Variants in GPC5 observed in about 807,000 individuals in gnomAD.
GPC5 encodes glypican 5.
In GPC5, 47 loss-of-function variants were observed where a neutral mutation model predicts 53.9. The ratio of observed to expected loss-of-function variants is 0.87; its 90% CI spans 0.69 to 1.11. The LOEUF (loss-of-function observed/expected upper bound fraction) is 1.11. Among genes scored for constraint, GPC5 ranks in the 50% most tolerant of loss-of-function variants. GPC5 has a pLI of 0.00. For missense variants in GPC5, 748 were observed against 713.1 expected (o/e 1.05, Z -0.56); for synonymous variants, 286 against 263.3 (o/e 1.09, Z -0.84).
At chr13:92,855,768 C>A (rs1262915839) in intron 7 of GPC5, among the ~76,000 whole-genome samples, 1 of 151,972 alleles carries the variant, frequency 6.6e-6, no homozygotes, top group Non-Finnish European at 1.5e-5. Context: ...GGATAAATTC[C>A]TAGAAACACA....
At chr13:92,084,279 T>C (rs1417867312) in intron 6 of GPC5, among the ~76,000 whole-genome samples, 1 of 152,128 alleles carries the variant, frequency 6.6e-6, no homozygotes, top group Non-Finnish European at 1.5e-5. Context: ...CAGAACTTAA[T>C]TTTTTTTAAA....
intron 7 of GPC5, among the ~76,000 whole-genome samples, chr13:92,735,590 G>A (rs991367329): frequency 4.6e-5 from 7 of 151,896 alleles, no homozygotes; most frequent in African/African-American, 1.7e-4. Context: ...CAAAGGGTAG[G>A]ATTCTTCAGT....
intron 7 of GPC5, among the ~76,000 whole-genome samples, chr13:92,521,964 G>A (rs1881069532): frequency 6.6e-6 from 1 of 152,128 alleles, no homozygotes; most frequent in Admixed American, 6.5e-5. Context: ...ACAAGTGGGT[G>A]AAGGATATGA....
At chr13:92,580,873 G>A in intron 7 of GPC5, among the ~76,000 whole-genome samples, 1 of 152,164 alleles carries the variant, frequency 6.6e-6, no homozygotes, top group Non-Finnish European at 1.5e-5. Context: ...CATGTGATAT[G>A]AGTGAGGACA....
At chr13:91,570,819 C>T (rs1215968215) in intron 2 of GPC5, among the ~76,000 whole-genome samples, 1 of 152,116 alleles carries the variant, frequency 6.6e-6, no homozygotes, top group Non-Finnish European at 1.5e-5. Flanking sequence ...TTGATTGGCC[C>T]ATTGATGGGA....
intron 2 of GPC5, among the ~76,000 whole-genome samples, chr13:91,644,417 A>G (rs1594372698): frequency 1.3e-5 from 2 of 152,184 alleles, no homozygotes; most frequent in East Asian, 3.9e-4. Context: ...AGAAACTAGT[A>G]TATTTTGTCA....
At chr13:91,744,240 A>C (rs1348386564) in intron 4 of GPC5, among the ~76,000 whole-genome samples, 1 of 152,154 alleles carries the variant, frequency 6.6e-6, no homozygotes, top group African/African-American at 2.4e-5. Flanking sequence ...AAAGGTAACT[A>C]TACATTAATT....
chr13:91,523,355 C>T (rs187392287), intron 2 of GPC5, among the ~76,000 whole-genome samples: 3 of 152,186 alleles, frequency 2.0e-5, no homozygotes, highest in East Asian at 1.9e-4. Flanking sequence ...TGTCTGTCAA[C>T]GGATAAAGTA....
At chr13:92,165,048 G>A (rs117551309) in intron 7 of GPC5, among the ~76,000 whole-genome samples, 3,546 of 152,230 alleles carry the variant, frequency 0.023, 48 homozygotes, top group Admixed American at 0.029. Context: ...CCACAAAACC[G>A]TCTTTCCCTC....
At chr13:92,386,479 AC>A (rs1874730721) in intron 7 of GPC5, among the ~76,000 whole-genome samples, 1 of 151,968 alleles carries the variant, frequency 6.6e-6, no homozygotes, top group African/African-American at 2.4e-5. Context: ...ATAAATCTCT[AC>A]CCTACTCTCT....
At chr13:91,966,279 A>G (rs1368574570) in intron 6 of GPC5, among the ~76,000 whole-genome samples, 1 of 152,180 alleles carries the variant, frequency 6.6e-6, no homozygotes, top group African/African-American at 2.4e-5. Flanking sequence ...AAAGCATAGA[A>G]ATAGGAATAA....
chr13:92,153,933 C>T (rs553789983), intron 7 of GPC5, among the ~76,000 whole-genome samples: 65 of 152,146 alleles, frequency 4.3e-4, no homozygotes, highest in African/African-American at 1.5e-3. Flanking sequence ...AAATTTAGCC[C>T]CTTCCCCAGT....
chr13:92,291,534 C>A (rs2042995791), intron 7 of GPC5, among the ~76,000 whole-genome samples: 1 of 152,144 alleles, frequency 6.6e-6, no homozygotes, highest in African/African-American at 2.4e-5. Flanking sequence ...AATCAGCACC[C>A]TGTCAAAACA....
chr13:91,804,184 A>G (rs1215671714), intron 5 of GPC5, among the ~76,000 whole-genome samples: 3 of 152,226 alleles, frequency 2.0e-5, no homozygotes, highest in East Asian at 3.8e-4. Flanking sequence ...TCTATCATTT[A>G]GAACCAAAAA....
intron 7 of GPC5, among the ~76,000 whole-genome samples, chr13:92,250,299 A>G (rs1430018814): frequency 6.6e-6 from 1 of 152,152 alleles, no homozygotes; most frequent in East Asian, 1.9e-4. Flanking sequence ...TGCTCGTAAT[A>G]CGTGCAACTT....
chr13:91,639,208 A>T (rs2034358849), intron 2 of GPC5, among the ~76,000 whole-genome samples: 1 of 152,212 alleles, frequency 6.6e-6, no homozygotes. Flanking sequence ...AGGTAAACAG[A>T]TATAAGTGTA....
chr13:92,058,683 A>G (rs992782652), intron 6 of GPC5, among the ~76,000 whole-genome samples: 6 of 152,162 alleles, frequency 3.9e-5, no homozygotes, highest in Non-Finnish European at 8.8e-5. Context: ...AGCTGGGATT[A>G]CAGGTGCCCG....
At chr13:92,070,638 G>T (rs2041203587) in intron 6 of GPC5, among the ~76,000 whole-genome samples, 1 of 152,098 alleles carries the variant, frequency 6.6e-6, no homozygotes, top group South Asian at 2.1e-4. Context: ...TGCATCAATT[G>T]TTGAATACAT....
chr13:92,173,144 C>G (rs1413592196), intron 7 of GPC5, among the ~76,000 whole-genome samples: 1 of 151,786 alleles, frequency 6.6e-6, no homozygotes, highest in African/African-American at 2.4e-5. Flanking sequence ...GATCAATGAA[C>G]TGAGTGTGAG....
Sources: gnomAD v4.1 joint callset for allele counts (sites outside exome capture counted in the v4.1 genomes callset) on GRCh38, gnomAD v4.1.1 for gene constraint, MANE v1.5 for transcripts, NCBI Gene and HGNC (gene_info 2026-07-23, HGNC 2026-07-21) for gene names.